Variants in PTER observed in about 807,000 individuals in gnomAD.
PTER encodes the protein phosphotriesterase related.
A neutral mutation model predicts 29.6 loss-of-function variants in PTER; 38 were observed. The observed-to-expected ratio is 1.28, with a 90% confidence interval of 0.99 to 1.68. PTER has a LOEUF of 1.68. Ranked by LOEUF, PTER falls within the 40% of genes most tolerant of loss-of-function variation. PTER has a pLI of 0.00. For missense variants in PTER, 482 were observed against 427.8 expected (o/e 1.13, Z -1.12); for synonymous variants, 172 against 154.5 (o/e 1.11, Z -0.84).
intron 1 of PTER, among the ~76,000 whole-genome samples, chr10:16,444,922 A>G (rs575626322): frequency 6.6e-6 from 1 of 152,314 alleles, no homozygotes; most frequent in Non-Finnish European, 1.5e-5. Context: ...ATGTAAGAGT[A>G]TATAAGTAAA....
At chr10:16,463,577 G>A (rs995299247) in intron 1 of PTER, among the ~76,000 whole-genome samples, 5 of 152,014 alleles carry the variant, frequency 3.3e-5, no homozygotes, top group East Asian at 3.9e-4. Context: ...CACCATGCCC[G>A]GCTAATTTTT....
intron 1 of PTER, among the ~76,000 whole-genome samples, chr10:16,465,924 C>T (rs1249421218): frequency 3.3e-5 from 5 of 152,090 alleles, no homozygotes; most frequent in Admixed American, 6.5e-5. Context: ...CATGAGAACC[C>T]ACTAACTATC....
intron 3 of PTER, among the ~76,000 whole-genome samples, chr10:16,492,166 C>T (rs567129031): frequency 1.2e-4 from 19 of 152,148 alleles, no homozygotes; most frequent in Non-Finnish European, 1.9e-4. Flanking sequence ...GTGTCTAGGC[C>T]GTCCCCTAAC....
chr10:16,437,698 C>A (rs1369818854), intron 1 of PTER, among the ~76,000 whole-genome samples: 1 of 152,124 alleles, frequency 6.6e-6, no homozygotes, highest in Non-Finnish European at 1.5e-5. Context: ...CTTGCTTAAT[C>A]CACTCTGCAG....
rs550954411 is a variant in PTER at position 16,465,189 on chromosome 10, GTA to G, written c.-48-19146_-48-19145del. 1.6e-3 allele frequency among the ~76,000 whole-genome samples: 237 copies of G among 152,202 alleles called. 1 individual carries two copies. The highest frequency in any genetic ancestry group is 2.2e-3 in the Non-Finnish European group (150 of 68,010). ...CCTGACATTTACTGCACTCTGCTTT[GTA>G]TCGTAAGTATCCTATGAATATATAA... is the stretch of plus-strand genomic sequence containing the variant. On this transcript the variant is annotated intron_variant, in intron 1 of 4. Coordinates refer to ENST00000535784, the MANE Select transcript of PTER (RefSeq NM_001261836.2).
chr10:16,459,671 G>A (rs1053900047), intron 1 of PTER, among the ~76,000 whole-genome samples: 2 of 152,024 alleles, frequency 1.3e-5, no homozygotes, highest in Admixed American at 1.3e-4. Flanking sequence ...ATATAGTTGA[G>A]TTTTTGTTAG....
At chr10:16,493,683 A>T (rs1835987952) in intron 3 of PTER, among the ~76,000 whole-genome samples, 1 of 151,960 alleles carries the variant, frequency 6.6e-6, no homozygotes, top group Admixed American at 6.6e-5. Context: ...GAAGAAAGGG[A>T]AAGGGAGAGG....
At chr10:16,462,497 A>G (rs1465974323) in intron 1 of PTER, among the ~76,000 whole-genome samples, 2 of 150,910 alleles carry the variant, frequency 1.3e-5, no homozygotes, top group East Asian at 2.0e-4. Flanking sequence ...AAGAGTTAAG[A>G]CTTGTTGTGA....
chr10:16,507,999 A>G (rs1298054495), intron 4 of PTER, among the ~76,000 whole-genome samples: 5 of 151,844 alleles, frequency 3.3e-5, no homozygotes, highest in Middle Eastern at 3.4e-3. Context: ...ATCTTTCACA[A>G]TCTCAAAAAC....
chr10:16,456,860 G>GTT (rs1554787498), intron 1 of PTER, among the ~76,000 whole-genome samples: 1 of 102,836 alleles, frequency 9.7e-6, no homozygotes, highest in African/African-American at 4.5e-5. Flanking sequence ...CCATGGGGAA[G>GTT]GTGGGGGGGG....
chr10:16,505,025 T>C lies in PTER; in HGVS notation c.704T>C (p.Ile235Thr). Residue 235 changes from isoleucine (I) to threonine (T), a missense_variant, in exon 4 of 5, where the codon ATT becomes ACT. Ile to Thr is a moderately conservative substitution (Grantham distance 89). Transcript: ENST00000535784. ...KTVMSHLDRT[I>T]LDKKELLEFA... is the part of the protein sequence containing the mutation. ...ATCTGTCGCATTGTTTCTAGGACTA[T>C]TCTTGATAAGAAAGAGCTCTTGGAG... The C allele has an allele frequency of 6.2e-7, 1 of 1,613,930 alleles. No individual in the cohort carries two copies. The highest frequency in any genetic ancestry group is 8.5e-7 in the Non-Finnish European group (1 of 1,179,866).
At chr10:16,516,208 A>T (rs1836949192), downstream of PTER, among the ~76,000 whole-genome samples, 1 of 152,210 alleles carries the variant, frequency 6.6e-6, no homozygotes, top group Admixed American at 6.5e-5. Flanking sequence ...AAAGCAATAT[A>T]CCATGTAATT....
intron 1 of PTER, among the ~76,000 whole-genome samples, chr10:16,465,527 T>C (rs1467513357): frequency 6.6e-6 from 1 of 152,010 alleles, no homozygotes; most frequent in African/African-American, 2.4e-5. Flanking sequence ...AGCATAAAGA[T>C]CATTGGTCAC....
chr10:16,447,157 G>A (rs1325881684), intron 1 of PTER, among the ~76,000 whole-genome samples: 1 of 143,364 alleles, frequency 7.0e-6, no homozygotes, highest in Non-Finnish European at 1.5e-5. Context: ...CTGGAGTGCA[G>A]TGGTGCCATC....
At position 16,484,778 on chromosome 10, in the gene PTER, A is replaced by G. The variant is rs1835626506; in HGVS notation, c.394A>G (p.Thr132Ala). Reference protein sequence around the residue: ...ISGAGFYVDATHSSETRAMSV... With the variant: ...ISGAGFYVDAAHSSETRAMSV... ...TGGAGCCGGGTTTTATGTGGATGCA[A>G]CTCACTCCTCAGAGACCAGGGCCAT... Residue 132 changes from threonine to alanine, a missense_variant, in exon 2 of 5, where the codon ACT becomes GCT. Transcript: ENST00000535784. 2 of 1,612,828 alleles carry G rather than the reference A, an allele frequency of 1.2e-6. No individual in the cohort carries two copies. The highest frequency in any genetic ancestry group is 1.1e-5 in the South Asian group (1 of 90,804).
intron 1 of PTER, among the ~76,000 whole-genome samples, chr10:16,438,177 TG>T (rs34276938): frequency 0.46 from 69,134 of 151,856 alleles, 16,006 homozygotes; most frequent in Middle Eastern, 0.65. Flanking sequence ...AGCTAATTTT[TG>T]TATTTTTAGT....
At chr10:16,477,366 G>T (rs537955190) in intron 1 of PTER, among the ~76,000 whole-genome samples, 1 of 151,568 alleles carries the variant, frequency 6.6e-6, no homozygotes, top group South Asian at 2.1e-4. Context: ...TTTTAGAGAT[G>T]GGGTTTCACC....
chr10:16,488,586 A>AATATAT (rs34128884), intron 3 of PTER, among the ~76,000 whole-genome samples: 5 of 145,912 alleles, frequency 3.4e-5, no homozygotes, highest in Non-Finnish European at 7.5e-5. Context: ...TACTAATTTA[A>AATATAT]ATATATATAT....
intron 1 of PTER, among the ~76,000 whole-genome samples, chr10:16,458,883 G>C (rs767074946): frequency 1.1e-4 from 16 of 152,052 alleles, no homozygotes; most frequent in Non-Finnish European, 4.4e-5. Flanking sequence ...TTTTTGAAGT[G>C]AGCATAAAGC....
Sources: gnomAD v4.1 joint callset for allele counts (sites outside exome capture counted in the v4.1 genomes callset) on GRCh38, gnomAD v4.1.1 for gene constraint, MANE v1.5 for transcripts, NCBI Gene and HGNC (gene_info 2026-07-23, HGNC 2026-07-21) for gene names.